The following XRCC2 variants were observed in gnomAD, a reference collection of about 807,000 sequenced individuals.
XRCC2 encodes DNA repair protein XRCC2.
XRCC2 carries 24 observed loss-of-function variants against 27.3 expected under a neutral mutation model. That is an observed-to-expected ratio of 0.88 (90% CI 0.64 to 1.24). The LOEUF is 1.24. Among genes scored for constraint, XRCC2 ranks in the 50% most tolerant of loss-of-function variants. The pLI, the probability that XRCC2 is intolerant of heterozygous loss-of-function variation, is 0.00. For synonymous variants in XRCC2, 106 were observed against 115.4 expected (o/e 0.92, Z 0.52); for missense variants, 321 against 325.8 (o/e 0.99, Z 0.11).
At chr7:152,667,854 C>A (rs562608877) in intron 1 of XRCC2, among the ~76,000 whole-genome samples, 5 of 151,770 alleles carry the variant, frequency 3.3e-5, no homozygotes, top group Admixed American at 6.6e-5. Flanking sequence ...GGTGAAACCC[C>A]CATCTCTATG....
chr7:152,662,865 G>A (rs3218460), intron 1 of XRCC2, among the ~76,000 whole-genome samples: 9,124 of 152,174 alleles, frequency 0.06, 574 homozygotes, highest in Admixed American at 0.19. Context: ...GAGCCACCGC[G>A]CCCGGCCTTA....
At chr7:152,663,351 A>T (rs1017886186) in intron 1 of XRCC2, among the ~76,000 whole-genome samples, 2 of 85,792 alleles carry the variant, frequency 2.3e-5, no homozygotes, top group Admixed American at 9.9e-5. Flanking sequence ...TGAAGTAAAA[A>T]AAAAAAAAAA....
At chr7:152,658,886 G>A (rs544599311) in intron 2 of XRCC2, among the ~76,000 whole-genome samples, 20 of 152,322 alleles carry the variant, frequency 1.3e-4, no homozygotes, top group Admixed American at 3.9e-4. Flanking sequence ...GGACATTTAG[G>A]TTGGTTTTAC....
intron 1 of XRCC2, among the ~76,000 whole-genome samples, chr7:152,665,543 A>G (rs1036353505): frequency 8.6e-6 from 1 of 116,906 alleles, no homozygotes; most frequent in African/African-American, 3.3e-5. Flanking sequence ...CCCAGGTTGG[A>G]GTACAATGGC....
chr7:152,664,673 T>C (rs1214601957), intron 1 of XRCC2, among the ~76,000 whole-genome samples: 1 of 152,180 alleles, frequency 6.6e-6, no homozygotes, highest in Non-Finnish European at 1.5e-5. Flanking sequence ...GTTCTCCAGC[T>C]TGCAGATGGT....
intron 1 of XRCC2, among the ~76,000 whole-genome samples, chr7:152,673,074 C>T (rs1463450891): frequency 2.0e-5 from 3 of 152,136 alleles, no homozygotes; most frequent in Admixed American, 6.6e-5. Flanking sequence ...ATGGATTGTT[C>T]TATTGTAAAC....
At chr7:152,655,626 C>T (rs2098030399) in intron 2 of XRCC2, among the ~76,000 whole-genome samples, 1 of 152,174 alleles carries the variant, frequency 6.6e-6, no homozygotes, top group Admixed American at 6.5e-5. Context: ...CGAGGATCAC[C>T]TGAGCCCGGG....
chr7:152,662,717 C>T (rs933662950), intron 1 of XRCC2, among the ~76,000 whole-genome samples: 31 of 149,360 alleles, frequency 2.1e-4, no homozygotes, highest in Middle Eastern at 6.9e-3. Flanking sequence ...GGACTACAGG[C>T]GCCCGCCACT....
At chr7:152,662,078 C>T (rs1223242214) in intron 1 of XRCC2, among the ~76,000 whole-genome samples, 1 of 152,314 alleles carries the variant, frequency 6.6e-6, no homozygotes, top group African/African-American at 2.4e-5. Flanking sequence ...GATTCTCCTG[C>T]CTCAGCCTCC....
intron 1 of XRCC2, among the ~76,000 whole-genome samples, chr7:152,666,539 T>C (rs1465285870): frequency 6.6e-6 from 1 of 151,166 alleles, no homozygotes; most frequent in Non-Finnish European, 1.5e-5. Context: ...ATGTGTTACA[T>C]AGTCCTAAGA....
chr7:152,649,338 T>C lies in XRCC2; in HGVS notation c.147A>G (p.Pro49=), dbSNP rs770063304. ...GCATTTCTGTTTTTCCTGTTCCTTC[T>C]GGGCCATGAAATTCAAGAATATCAC... ...VHGDILEFHG[P]EGTGKTEMLY... Residue 49 remains proline (P), a synonymous_variant, in exon 3 of 3, where the codon CCA becomes CCG. Coordinates refer to ENST00000359321, the MANE Select transcript of XRCC2 (RefSeq NM_005431.2). 18 of 1,594,716 alleles carry C rather than the reference T, an allele frequency of 1.1e-5. No homozygotes were observed. In the South Asian group the frequency reaches 1.9e-4, roughly 17 times the overall value.
intron 1 of XRCC2, among the ~76,000 whole-genome samples, chr7:152,675,077 A>G (rs1344364496): frequency 6.6e-6 from 1 of 152,128 alleles, no homozygotes; most frequent in African/African-American, 2.4e-5. Context: ...CATCTGCATA[A>G]AAGATCCTTC....
At chr7:152,662,612 G>T (rs1256197252) in intron 1 of XRCC2, among the ~76,000 whole-genome samples, 1 of 111,580 alleles carries the variant, frequency 9.0e-6, no homozygotes, top group South Asian at 3.2e-4. Context: ...TCGCTCTGTC[G>T]CCCAGGCTGG....
chr7:152,650,793 G>A (rs1335086222), intron 2 of XRCC2, among the ~76,000 whole-genome samples: 5 of 152,070 alleles, frequency 3.3e-5, no homozygotes, highest in Admixed American at 2.6e-4. Context: ...GGCTGAGGCA[G>A]GAGAATCACT....
chr7:152,652,913 T>C (rs2098029133), intron 2 of XRCC2, among the ~76,000 whole-genome samples: 1 of 152,146 alleles, frequency 6.6e-6, no homozygotes, highest in South Asian at 2.1e-4. Flanking sequence ...AGACCAGGGT[T>C]GACACAGGGA....
chr7:152,664,455 C>T (rs2117003474), intron 1 of XRCC2, among the ~76,000 whole-genome samples: 1 of 152,264 alleles, frequency 6.6e-6, no homozygotes, highest in Admixed American at 6.5e-5. Flanking sequence ...CGGGCATCCT[C>T]CAATCCCTCT....
At chr7:152,675,450 TA>T (rs1473805543) in intron 1 of XRCC2, among the ~76,000 whole-genome samples, 1 of 152,180 alleles carries the variant, frequency 6.6e-6, no homozygotes, top group East Asian at 1.9e-4. Flanking sequence ...TGACACACAG[TA>T]AGTGCTGGAC....
rs3218500 is a variant in XRCC2 at position 152,655,022 on chromosome 7, A to G, written c.122-5659T>C. Among the ~76,000 whole-genome samples the G allele has an allele frequency of 1.3e-3, 204 of 152,354 alleles. 2 individuals carry two copies. The South Asian group carries it at 0.014, about 11-fold the overall frequency. On this transcript the variant is annotated intron_variant, in intron 2 of 2. Coordinates refer to ENST00000359321, the MANE Select transcript of XRCC2 (RefSeq NM_005431.2). ...ACATCATCCTTTTCAATGTACTTGAAGTCACCGTCTCATATGTTTCTGTGG... is the reference window on the plus strand; with the variant it reads ...ACATCATCCTTTTCAATGTACTTGAGGTCACCGTCTCATATGTTTCTGTGG...
intron 1 of XRCC2, among the ~76,000 whole-genome samples, chr7:152,671,346 TGTTG>T (rs2117009712): frequency 6.6e-6 from 1 of 152,338 alleles, no homozygotes; most frequent in Admixed American, 6.5e-5. Flanking sequence ...AGTTAACTTT[TGTTG>T]AACAGCTTCC....
Sources: allele counts gnomAD v4.1 joint callset (sites outside exome capture counted in the v4.1 genomes callset), GRCh38; gene constraint gnomAD v4.1.1; transcripts MANE v1.5; gene names NCBI Gene and HGNC (gene_info 2026-07-23, HGNC 2026-07-21).